Variants in GUCY1A2 observed in about 807,000 individuals in gnomAD.
GUCY1A2 encodes guanylate cyclase soluble subunit alpha-2.
A neutral mutation model predicts 63.5 loss-of-function variants in GUCY1A2; 27 were observed. That is an observed-to-expected ratio of 0.43 (90% confidence interval 0.31 to 0.59). The LOEUF is 0.59. Ranked by LOEUF, GUCY1A2 falls within the 20% of genes least tolerant of loss-of-function variation. The pLI is 0.11. For synonymous variants in GUCY1A2, 364 were observed against 343.5 expected (o/e 1.06, Z -0.66); for missense variants, 768 against 913.3 (o/e 0.84, Z 2.05).
intron 6 of GUCY1A2, among the ~76,000 whole-genome samples, chr11:106,753,365 A>C (rs1366734473): frequency 6.6e-6 from 1 of 152,158 alleles, no homozygotes; most frequent in Non-Finnish European, 1.5e-5. Flanking sequence ...GAAGCTCTTC[A>C]GTTTAATTAG....
chr11:106,732,496 G>A (rs915456528), intron 6 of GUCY1A2, among the ~76,000 whole-genome samples: 14 of 152,072 alleles, frequency 9.2e-5, no homozygotes, highest in African/African-American at 3.4e-4. Context: ...AATATTTAAT[G>A]CATCTGTAAC....
rs36069018 is a variant in GUCY1A2, at chr11:106,689,993, C to CAA, written c.1992-2239_1992-2238dup. Reference sequence around the variant, plus strand: ...TGGGTGACAGAGCGAGACTCAGTCTCAAAAAAAAAAAAAAAGTAAAAAAAT... The same window carrying CAA: ...TGGGTGACAGAGCGAGACTCAGTCTCAAAAAAAAAAAAAAAAAGTAAAAAAAT... On this transcript the variant is annotated intron_variant, in intron 7 of 7. Coordinates refer to ENST00000526355, the MANE Select transcript of GUCY1A2 (RefSeq NM_000855.3). Among the ~76,000 whole-genome samples the CAA allele has an allele frequency of 2.2e-3, 239 of 106,796 alleles. 2 individuals are homozygous for CAA. Among genetic ancestry groups the CAA allele is most frequent in the African/African-American group, 6.0e-3 (179 of 29,684 alleles). The allele number at this position is 106,796 out of a possible 152,430, so 70.1% of individuals were successfully genotyped here.
intron 4 of GUCY1A2, among the ~76,000 whole-genome samples, chr11:106,917,440 T>C (rs909059216): frequency 3.4e-5 from 5 of 145,412 alleles, no homozygotes; most frequent in Non-Finnish European, 7.7e-5. Flanking sequence ...ATCCCATTAC[T>C]GGGTATATAC....
At chr11:106,898,927 T>C (rs941382302) in intron 4 of GUCY1A2, among the ~76,000 whole-genome samples, 4 of 152,174 alleles carry the variant, frequency 2.6e-5, no homozygotes, top group African/African-American at 7.2e-5. Context: ...ATGTTGATAA[T>C]AGAAGGCTAT....
chr11:106,907,668 T>A (rs991836825), intron 4 of GUCY1A2, among the ~76,000 whole-genome samples: 1 of 152,090 alleles, frequency 6.6e-6, no homozygotes, highest in African/African-American at 2.4e-5. Context: ...TGGTTTTTTG[T>A]CCTTGTGATA....
At chr11:106,997,621 C>G (rs1037981002) in intron 1 of GUCY1A2, among the ~76,000 whole-genome samples, 8 of 105,462 alleles carry the variant, frequency 7.6e-5, no homozygotes, top group African/African-American at 1.4e-4. Flanking sequence ...TAGGGAACCC[C>G]CCCCCCCCAC....
chr11:106,956,707 G>A (rs1860989464), intron 3 of GUCY1A2, among the ~76,000 whole-genome samples: 1 of 152,166 alleles, frequency 6.6e-6, no homozygotes, highest in African/African-American at 2.4e-5. Context: ...ATGCCAGTAG[G>A]ATGACTCCTG....
At chr11:106,739,903 GT>G (rs1328645025) in intron 6 of GUCY1A2, among the ~76,000 whole-genome samples, 1 of 151,464 alleles carries the variant, frequency 6.6e-6, no homozygotes, top group African/African-American at 2.4e-5. Context: ...TAAAACCAGA[GT>G]TTAGCTCCTC....
chr11:106,779,808 CATAAATGAATG>C (rs1325970558), intron 5 of GUCY1A2, among the ~76,000 whole-genome samples: 3 of 152,106 alleles, frequency 2.0e-5, no homozygotes, highest in African/African-American at 7.2e-5. Flanking sequence ...CCAACTGATA[CATAAATGAATG>C]AAGTAGAAAA....
At chr11:106,728,661 T>G (rs1331294287) in intron 6 of GUCY1A2, among the ~76,000 whole-genome samples, 1 of 152,218 alleles carries the variant, frequency 6.6e-6, no homozygotes, top group Non-Finnish European at 1.5e-5. Context: ...TTACTATATA[T>G]AACTACTCTG....
chr11:106,870,015 A>C (rs555496946), intron 4 of GUCY1A2, among the ~76,000 whole-genome samples: 64 of 151,166 alleles, frequency 4.2e-4, no homozygotes, highest in African/African-American at 1.4e-3. Context: ...GACAAATACC[A>C]AACACCGCAT....
chr11:106,844,023 A>G (rs1329914223), intron 4 of GUCY1A2, among the ~76,000 whole-genome samples: 1 of 151,866 alleles, frequency 6.6e-6, no homozygotes, highest in African/African-American at 2.4e-5. Flanking sequence ...TATGAAAAAG[A>G]CACTTGCACA....
intron 6 of GUCY1A2, 98 bp from the exon 7 acceptor site, chr11:106,708,764 A>ATAAT: frequency 1.4e-6 from 1 of 723,040 alleles, no homozygotes; most frequent in Non-Finnish European, 2.1e-6. Flanking sequence ...AATAATAATA[A>ATAAT]AAAAAAACTA....
At chr11:107,014,278 G>A (rs931653314) in intron 1 of GUCY1A2, among the ~76,000 whole-genome samples, 7 of 151,766 alleles carry the variant, frequency 4.6e-5, no homozygotes, top group Middle Eastern at 3.4e-3. Flanking sequence ...TAGTAGAGAC[G>A]GGGTTTCACC....
At chr11:106,983,905 C>A (rs1036609270) in intron 2 of GUCY1A2, among the ~76,000 whole-genome samples, 1 of 152,080 alleles carries the variant, frequency 6.6e-6, no homozygotes, top group Non-Finnish European at 1.5e-5. Flanking sequence ...AGATAGGAAG[C>A]CTTAAATTGT....
At chr11:106,859,649 C>A (rs1289434094) in intron 4 of GUCY1A2, among the ~76,000 whole-genome samples, 2 of 151,982 alleles carry the variant, frequency 1.3e-5, no homozygotes, top group Admixed American at 1.3e-4. Flanking sequence ...GGTAAAAGTG[C>A]AGTCATACAT....
chr11:106,855,118 C>G (rs1401201144), intron 4 of GUCY1A2, among the ~76,000 whole-genome samples: 1 of 152,064 alleles, frequency 6.6e-6, no homozygotes, highest in African/African-American at 2.4e-5. Flanking sequence ...CATGCTGCAG[C>G]TGCTTTGGTC....
chr11:106,885,906 G>T (rs530322797), intron 4 of GUCY1A2, among the ~76,000 whole-genome samples: 1 of 152,026 alleles, frequency 6.6e-6, no homozygotes, highest in Non-Finnish European at 1.5e-5. Flanking sequence ...CCCCCTATTG[G>T]AAGAACTTCT....
rs1860370955 is a variant in GUCY1A2, at chr11:106,916,416, G to A, written c.1206+23044C>T. Among the ~76,000 whole-genome samples, 2 of 145,304 alleles carry A rather than the reference G, an allele frequency of 1.4e-5. 1 individual carries two copies. The highest frequency in any genetic ancestry group is 1.4e-4 in the Admixed American group (2 of 14,562). ...ATCATACCTATCTCATTTGGTTGTTGAGAGTATTAAATATAAGTAAGAAAT... is the reference window on the plus strand; with the variant it reads ...ATCATACCTATCTCATTTGGTTGTTAAGAGTATTAAATATAAGTAAGAAAT... On this transcript the variant is annotated intron_variant, in intron 4 of 7. Transcript: ENST00000526355.
Sources: gnomAD v4.1 joint callset for allele counts (sites outside exome capture counted in the v4.1 genomes callset) on GRCh38, gnomAD v4.1.1 for gene constraint, MANE v1.5 for transcripts, NCBI Gene and HGNC (gene_info 2026-07-23, HGNC 2026-07-21) for gene names.